Variants in ZNF385D observed in about 807,000 individuals in gnomAD.
ZNF385D encodes zinc finger protein 659.
A neutral mutation model predicts 35.8 loss-of-function variants in ZNF385D; 15 were observed. The ratio of observed to expected loss-of-function variants is 0.42; its 90% CI spans 0.28 to 0.64. ZNF385D has a LOEUF of 0.64. Ranked by LOEUF, ZNF385D falls within the 30% of genes least tolerant of loss-of-function variation. The probability of loss-of-function intolerance (pLI) is 0.23; values close to 1 mark genes in which losing one functional copy is unlikely to be tolerated. For missense variants in ZNF385D, 474 were observed against 494.6 expected, an observed-to-expected ratio of 0.96 and a Z score of 0.39; for synonymous variants, 212 against 186.8, an observed-to-expected ratio of 1.13 and a Z score of -1.10.
chr3:21,493,228 G>A (rs991624293), intron 4 of ZNF385D, among the ~76,000 whole-genome samples: 2 of 151,928 alleles, frequency 1.3e-5, no homozygotes, highest in Non-Finnish European at 2.9e-5. Context: ...TATTTTTTCT[G>A]TATTATTTAG....
intron 2 of ZNF385D, among the ~76,000 whole-genome samples, chr3:21,602,710 T>G (rs1268862578): frequency 6.8e-6 from 1 of 148,000 alleles, no homozygotes; most frequent in Non-Finnish European, 1.5e-5. Flanking sequence ...TTTTTTTGTA[T>G]TTTTAGTAGA....
rs570639746 is a variant in ZNF385D at position 21,594,439 on chromosome 3, T to C, written c.166-29755A>G. ...CACTTGAGGAGGAGCAGAACAGGGA[T>C]AGGGAAAATGCCAATCAACAGAATG... On this transcript the variant is annotated intron_variant, in intron 2 of 7. Coordinates refer to ENST00000281523, the MANE Select transcript of ZNF385D (RefSeq NM_024697.3). 5.3e-5 allele frequency among the ~76,000 whole-genome samples: 8 copies of C among 152,210 alleles called. No homozygotes were observed. In the South Asian group the frequency reaches 1.0e-3, roughly 20 times the overall value.
chr3:21,549,236 T>C (rs1461434187), intron 3 of ZNF385D, among the ~76,000 whole-genome samples: 2 of 152,208 alleles, frequency 1.3e-5, no homozygotes, highest in Non-Finnish European at 2.9e-5. Flanking sequence ...GATGAAACTC[T>C]GGAGGATCAA....
chr3:21,831,992 C>G (rs1236585022), intron 3 of ZNF385D, among the ~76,000 whole-genome samples: 1 of 152,108 alleles, frequency 6.6e-6, no homozygotes, highest in Non-Finnish European at 1.5e-5. Context: ...AATGCACTAT[C>G]CCTTTAATTA....
chr3:21,746,596 T>G (rs1321648503), intron 1 of ZNF385D, among the ~76,000 whole-genome samples: 10 of 152,220 alleles, frequency 6.6e-5, no homozygotes, highest in Admixed American at 6.5e-4. Flanking sequence ...TGGTCAGGAC[T>G]TCACGCTTTA....
chr3:22,258,748 AAATAT>A (rs1700449211), intron 2 of ZNF385D, among the ~76,000 whole-genome samples: 1 of 151,800 alleles, frequency 6.6e-6, no homozygotes, highest in African/African-American at 2.4e-5. Context: ...ATTTATTTAA[AAATAT>A]AATTATAGAT....
intron 1 of ZNF385D, among the ~76,000 whole-genome samples, chr3:21,721,208 G>A (rs555268330): frequency 5.3e-5 from 8 of 152,196 alleles, no homozygotes; most frequent in African/African-American, 1.7e-4. Context: ...CTCAGCCAGC[G>A]TCAGTGCTTA....
intron 2 of ZNF385D, among the ~76,000 whole-genome samples, chr3:22,334,379 A>G (rs1695072970): frequency 6.6e-6 from 1 of 152,148 alleles, no homozygotes; most frequent in African/African-American, 2.4e-5. Flanking sequence ...GCTTTCTAAT[A>G]TGTTAGTTCC....
chr3:22,127,775 A>C (rs181254213), intron 3 of ZNF385D, among the ~76,000 whole-genome samples: 1 of 152,174 alleles, frequency 6.6e-6, no homozygotes, highest in African/African-American at 2.4e-5. Context: ...GAAAAACTAA[A>C]GACATTCTAC....
At chr3:21,486,101 T>A (rs1385964359) in intron 4 of ZNF385D, among the ~76,000 whole-genome samples, 1 of 137,744 alleles carries the variant, frequency 7.3e-6, no homozygotes, top group Non-Finnish European at 1.5e-5. Flanking sequence ...GCTGCCAATT[T>A]AGAAGTTGGC....
At chr3:22,098,244 C>G (rs1228278811) in intron 3 of ZNF385D, among the ~76,000 whole-genome samples, 1 of 152,006 alleles carries the variant, frequency 6.6e-6, no homozygotes, top group Non-Finnish European at 1.5e-5. Flanking sequence ...GTATCCATAG[C>G]AACTCCCAGA....
intron 3 of ZNF385D, among the ~76,000 whole-genome samples, chr3:22,022,012 G>C (rs1697252374): frequency 6.6e-6 from 1 of 152,052 alleles, no homozygotes; most frequent in Admixed American, 6.6e-5. Context: ...GAGGATTACA[G>C]AATAAAGGCT....
intron 3 of ZNF385D, among the ~76,000 whole-genome samples, chr3:21,802,898 G>A (rs534340458): frequency 1.3e-5 from 2 of 152,262 alleles, no homozygotes; most frequent in East Asian, 1.9e-4. Flanking sequence ...CAAGTGATTG[G>A]GCAAATGCTC....
intron 2 of ZNF385D, among the ~76,000 whole-genome samples, chr3:22,171,009 A>C (rs1342600434): frequency 6.6e-6 from 1 of 152,264 alleles, no homozygotes; most frequent in African/African-American, 2.4e-5. Flanking sequence ...CTTGACTTAG[A>C]AAAAGTATTA....
At chr3:22,306,590 G>C (rs1703233299) in intron 2 of ZNF385D, among the ~76,000 whole-genome samples, 1 of 152,110 alleles carries the variant, frequency 6.6e-6, no homozygotes, top group African/African-American at 2.4e-5. Flanking sequence ...ATCATGCTAA[G>C]GCTGACCAGG....
intron 3 of ZNF385D, among the ~76,000 whole-genome samples, chr3:21,827,577 C>T (rs2125753910): frequency 6.6e-6 from 1 of 152,260 alleles, no homozygotes; most frequent in African/African-American, 2.4e-5. Flanking sequence ...GAACTAAATT[C>T]ACATACCAGC....
At chr3:21,749,371 T>C (rs753203223) in intron 1 of ZNF385D, among the ~76,000 whole-genome samples, 3 of 152,210 alleles carry the variant, frequency 2.0e-5, no homozygotes, top group Non-Finnish European at 4.4e-5. Context: ...TAATTGGCCC[T>C]ACTTCCTCAC....
chr3:21,903,184 A>G (rs1265406369), intron 3 of ZNF385D, among the ~76,000 whole-genome samples: 1 of 152,174 alleles, frequency 6.6e-6, no homozygotes, highest in Non-Finnish European at 1.5e-5. Context: ...AGGGTGACCC[A>G]TTTTAATAAC....
intron 3 of ZNF385D, among the ~76,000 whole-genome samples, chr3:21,880,219 T>G (rs1305419221): frequency 1.3e-5 from 2 of 151,998 alleles, no homozygotes; most frequent in African/African-American, 4.8e-5. Context: ...TTATGAGCAC[T>G]GCGTTAGAAA....
Sources: gnomAD v4.1 joint callset for allele counts (sites outside exome capture counted in the v4.1 genomes callset) on GRCh38, gnomAD v4.1.1 for gene constraint, MANE v1.5 for transcripts, NCBI Gene and HGNC (gene_info 2026-07-23, HGNC 2026-07-21) for gene names.